The following GPC5 variants were observed in gnomAD, a reference collection of about 807,000 sequenced individuals.
GPC5 encodes glypican 5.
Under a neutral mutation model 53.9 loss-of-function variants are expected in GPC5, and 47 were observed. The ratio of observed to expected loss-of-function variants is 0.87; its 90% CI spans 0.69 to 1.11. GPC5 has a LOEUF of 1.11. Among genes scored for constraint, GPC5 ranks in the 50% most tolerant of loss-of-function variants. GPC5 has a pLI of 0.00. For missense variants in GPC5, 748 were observed against 713.1 expected (o/e 1.05, Z -0.56); for synonymous variants, 286 against 263.3 (o/e 1.09, Z -0.84).
At chr13:92,620,766 A>T (rs1273117858) in intron 7 of GPC5, among the ~76,000 whole-genome samples, 1 of 152,124 alleles carries the variant, frequency 6.6e-6, no homozygotes, top group Non-Finnish European at 1.5e-5. Flanking sequence ...TATTAGTGTA[A>T]ATGTTACACT....
intron 7 of GPC5, among the ~76,000 whole-genome samples, chr13:92,188,793 C>A (rs1250294218): frequency 2.0e-5 from 3 of 152,148 alleles, no homozygotes; most frequent in Non-Finnish European, 4.4e-5. Flanking sequence ...GGTGGCCTTC[C>A]ACTTTCTGGT....
intron 7 of GPC5, among the ~76,000 whole-genome samples, chr13:92,476,739 T>C (rs1879150541): frequency 6.7e-6 from 1 of 148,878 alleles, no homozygotes. Flanking sequence ...TTCATGTCCT[T>C]TGTAGGGACA....
Position 91,693,779 on chromosome 13 carries a change from G to T in GPC5, c.918G>T (p.Met306Ile), listed in dbSNP as rs751145252. ...IRSLEELSDAMHGTYDIGHVL... is the reference protein window; with the variant it reads ...IRSLEELSDAIHGTYDIGHVL... ...CGTTGGAAGAACTCTCGGATGCAAT[G>T]CATGGAACATACGACATTGGACACG... The change falls in exon 3 of 8, where the codon ATG becomes ATT. Residue 306 changes from methionine to isoleucine, a missense_variant. Transcript: ENST00000377067. The T allele has an allele frequency of 3.3e-5, 54 of 1,613,978 alleles. No individual in the cohort carries two copies. The highest frequency in any genetic ancestry group is 6.7e-5 in the African/African-American group (5 of 74,928).
chr13:92,632,461 C>CATAT (rs1491296731), intron 7 of GPC5, among the ~76,000 whole-genome samples: 2,096 of 57,952 alleles, frequency 0.036, 68 homozygotes, highest in African/African-American at 0.069. Context: ...GAAAATATTC[C>CATAT]ACATATATAT....
At chr13:92,304,526 T>A (rs2043098128) in intron 7 of GPC5, among the ~76,000 whole-genome samples, 1 of 151,808 alleles carries the variant, frequency 6.6e-6, no homozygotes, top group African/African-American at 2.4e-5. Context: ...CAACTTTTAT[T>A]GTTTCTTGGA....
chr13:91,769,538 A>T (rs914757435), intron 5 of GPC5, among the ~76,000 whole-genome samples: 5 of 152,156 alleles, frequency 3.3e-5, no homozygotes, highest in African/African-American at 7.2e-5. Context: ...TAGGCTGAAT[A>T]TGTGGAAAGA....
chr13:92,504,477 A>G (rs1040197310), intron 7 of GPC5, among the ~76,000 whole-genome samples: 6 of 152,056 alleles, frequency 3.9e-5, no homozygotes, highest in Non-Finnish European at 8.8e-5. Context: ...TGGCCAATAT[A>G]TAAAACTTGA....
rs1210638797 is a variant in GPC5, at chr13:92,385,394, A to G, written c.1561+240405A>G. Among the ~76,000 whole-genome samples the G allele has an allele frequency of 8.7e-5, 6 of 68,668 alleles. 1 individual carries two copies. Among genetic ancestry groups the G allele is most frequent in the African/African-American group, 1.1e-4 (2 of 17,954 alleles). The allele number at this position is 68,668 out of a possible 152,430, so 45.0% of individuals were successfully genotyped here. A position where few individuals can be genotyped will look rare whatever the true frequency, so the allele number is the denominator to read the frequency against. ...TATACATATATACATATATATACAT[A>G]TATACACATATATACACATATATAT... On this transcript the variant is annotated intron_variant, in intron 7 of 7. Transcript: ENST00000377067.
At chr13:91,646,218 C>G (rs1181333398) in intron 2 of GPC5, among the ~76,000 whole-genome samples, 2 of 152,066 alleles carry the variant, frequency 1.3e-5, no homozygotes, top group African/African-American at 2.4e-5. Flanking sequence ...ATTGATCTTT[C>G]CCTAAAATAT....
intron 2 of GPC5, among the ~76,000 whole-genome samples, chr13:91,624,211 A>G (rs1402266077): frequency 6.6e-6 from 1 of 152,158 alleles, no homozygotes; most frequent in Non-Finnish European, 1.5e-5. Context: ...ATGGAGAGCT[A>G]GACTGTCAAA....
chr13:92,434,567 A>G (rs1276782997), intron 7 of GPC5, among the ~76,000 whole-genome samples: 1 of 152,178 alleles, frequency 6.6e-6, no homozygotes, highest in Non-Finnish European at 1.5e-5. Flanking sequence ...AGTTTATTAC[A>G]TCTCGTGATA....
chr13:91,500,385 A>G (rs1295374746), intron 2 of GPC5, among the ~76,000 whole-genome samples: 2 of 152,192 alleles, frequency 1.3e-5, no homozygotes, highest in African/African-American at 4.8e-5. Flanking sequence ...GCCATCTGAT[A>G]TTTCCTACTG....
intron 7 of GPC5, among the ~76,000 whole-genome samples, chr13:92,278,712 G>A (rs1055409386): frequency 6.6e-6 from 1 of 151,934 alleles, no homozygotes; most frequent in Non-Finnish European, 1.5e-5. Context: ...TGTGTTGGGT[G>A]TGAGGAAGGG....
chr13:91,511,926 T>C (rs1488733201), intron 2 of GPC5, among the ~76,000 whole-genome samples: 1 of 152,084 alleles, frequency 6.6e-6, no homozygotes, highest in African/African-American at 2.4e-5. Flanking sequence ...AAACTATATA[T>C]AAAAGAATAG....
intron 5 of GPC5, among the ~76,000 whole-genome samples, chr13:91,898,905 A>C (rs528038421): frequency 6.6e-6 from 1 of 152,326 alleles, no homozygotes; most frequent in South Asian, 2.1e-4. Context: ...AATAGAAAAC[A>C]GAAGAGCTGA....
intron 7 of GPC5, chr13:92,447,112 T>C (rs1877860308): frequency 6.6e-6 from 1 of 152,210 alleles, no homozygotes; most frequent in Admixed American, 6.5e-5. Flanking sequence ...TTGTTTACTT[T>C]GTTGTGCAGA....
intron 7 of GPC5, among the ~76,000 whole-genome samples, chr13:92,562,239 AC>A (rs1166350178): frequency 6.6e-6 from 1 of 152,016 alleles, no homozygotes; most frequent in Non-Finnish European, 1.5e-5. Flanking sequence ...TATGAATTTC[AC>A]CCTTACGCTG....
intron 6 of GPC5, among the ~76,000 whole-genome samples, chr13:92,016,359 T>A (rs2040707031): frequency 6.6e-6 from 1 of 152,204 alleles, no homozygotes; most frequent in Non-Finnish European, 1.5e-5. Context: ...GGAAACAAAT[T>A]GGAAGCTTTT....
intron 1 of GPC5, among the ~76,000 whole-genome samples, chr13:91,403,653 C>T (rs533683172): frequency 6.6e-6 from 1 of 152,302 alleles, no homozygotes; most frequent in South Asian, 2.1e-4. Context: ...GAATTGTGAG[C>T]ATCAAGGCCC....
Sources: gnomAD v4.1 joint callset for allele counts (sites outside exome capture counted in the v4.1 genomes callset) on GRCh38, gnomAD v4.1.1 for gene constraint, MANE v1.5 for transcripts, NCBI Gene and HGNC (gene_info 2026-07-23, HGNC 2026-07-21) for gene names.